Variants in DDA1 observed in about 807,000 individuals in gnomAD.
The protein encoded by DDA1 is DET1- and DDB1-associated protein 1.
DDA1 carries 3 observed loss-of-function variants against 18.6 expected under a neutral mutation model. The ratio of observed to expected loss-of-function variants is 0.16; its 90% confidence interval spans 0.07 to 0.42. DDA1 has a LOEUF of 0.42. DDA1 is among the 10% of genes least tolerant of loss of function. The pLI is 0.99. For synonymous variants in DDA1, 52 were observed against 54.0 expected (o/e 0.96, Z 0.17); for missense variants, 105 against 138.2 (o/e 0.76, Z 1.20).
chr19:17,318,268 G>T (rs1271979371), intron 4 of DDA1, among the ~76,000 whole-genome samples: 1 of 152,016 alleles, frequency 6.6e-6, no homozygotes, highest in East Asian at 1.9e-4. Flanking sequence ...GTTTGCTCTT[G>T]TTGCCCAGAC....
In DDA1 at chr19:17,319,651, A is replaced by G; in HGVS notation, c.304A>G (p.Thr102Ala). The G allele has an allele frequency of 3.2e-6, 5 of 1,566,900 alleles. No individual in the cohort carries two copies. The highest frequency in any genetic ancestry group is 2.4e-5 in the East Asian group (1 of 42,266). ...RTDSPDMHED[T>A] ...CGACAGCCCAGACATGCACGAGGAC[A>G]CTTAAGACTCTCAACTCCACAGGCG... The change falls in exon 5 of 5, where the codon ACT becomes GCT. Residue 102 changes from threonine (T) to alanine (A), a missense_variant. Thr to Ala is a moderately conservative substitution (Grantham distance 58, BLOSUM62 0). Around this residue, in one of 2 missense-constraint regions of DDA1, gnomAD observed 62 missense variants for 55.8 expected, o/e 1.11. Coordinates refer to ENST00000359866, the MANE Select transcript of DDA1 (RefSeq NM_024050.6).
chr19:17,310,751 TAC>T (rs1568352193), intron 1 of DDA1, among the ~76,000 whole-genome samples: 3 of 151,856 alleles, frequency 2.0e-5, no homozygotes, highest in Non-Finnish European at 2.9e-5. Context: ...GATACCTTGG[TAC>T]AGTCTCATCC....
intron 1 of DDA1, among the ~76,000 whole-genome samples, chr19:17,312,479 C>T (rs1170251837): frequency 1.3e-5 from 2 of 152,022 alleles, no homozygotes; most frequent in Non-Finnish European, 2.9e-5. Flanking sequence ...GTGTGTGTGG[C>T]AGAGGGTGTG....
chr19:17,312,215 G>T (rs1283680782), intron 1 of DDA1, among the ~76,000 whole-genome samples: 2 of 152,090 alleles, frequency 1.3e-5, no homozygotes, highest in Admixed American at 1.3e-4. Context: ...TGCACCTCTC[G>T]CCACTCAGCC....
chr19:17,312,705 C>T (rs932243782), intron 1 of DDA1, among the ~76,000 whole-genome samples: 1 of 152,212 alleles, frequency 6.6e-6, no homozygotes. Context: ...CTCTTTGCCC[C>T]ACACCATCTC....
At chr19:17,309,756 G>T in intron 1 of DDA1, 99 bp downstream of exon 1, 3 of 1,473,458 alleles carry the variant, frequency 2.0e-6, no homozygotes, top group Non-Finnish European at 2.7e-6. Context: ...TCTCCGTTCT[G>T]CCCGGTCCCC....
chr19:17,310,130 G>A, intron 1 of DDA1: 1 of 164,888 alleles, frequency 6.1e-6, no homozygotes, highest in Middle Eastern at 2.8e-3. Context: ...CCGGTTCCCC[G>A]GGCCCTGACC....
intron 1 of DDA1, among the ~76,000 whole-genome samples, chr19:17,312,229 G>A (rs891422161): frequency 6.6e-6 from 1 of 152,234 alleles, no homozygotes; most frequent in African/African-American, 2.4e-5. Flanking sequence ...CTCAGCCACC[G>A]GGCCCTGTGT....
rs373078415 is a variant in DDA1, at chr19:17,310,938, G to C, written c.3+1281G>C. On this transcript the variant is annotated intron_variant, in intron 1 of 4. Coordinates refer to ENST00000359866, the MANE Select transcript of DDA1 (RefSeq NM_024050.6). ...CCCTTTGGCAGTTCATAATTCACCTGAACCAGAAGGAACTTTTTTTTTGGA... is the reference window on the plus strand; with the variant it reads ...CCCTTTGGCAGTTCATAATTCACCTCAACCAGAAGGAACTTTTTTTTTGGA... 2.5e-4 allele frequency among the ~76,000 whole-genome samples: 38 copies of C among 152,232 alleles called. No individual in the cohort carries two copies. The East Asian group carries it at 5.6e-3, about 22-fold the overall frequency.
Position 17,321,759 on chromosome 19 carries a change from C to G in DDA1, c.*2103C>G, listed in dbSNP as rs1238224307. On this transcript the variant is annotated 3_prime_UTR_variant, in exon 5 of 5. Transcript: ENST00000359866. ...GAGAGTGCCAGGGTGGGCTCCCGTC[C>G]TACACAAGGAGTGGCTGACCAGGCC... 2 of 152,424 alleles carry G rather than the reference C, an allele frequency of 1.3e-5. No homozygotes were observed. Among genetic ancestry groups the G allele is most frequent in the Non-Finnish European group, 2.9e-5 (2 of 68,188 alleles). The allele number at this position is 152,424 out of a possible 1,614,324, so 9.4% of individuals were successfully genotyped here.
chr19:17,310,477 C>T (rs914863893), intron 1 of DDA1, among the ~76,000 whole-genome samples: 5 of 152,166 alleles, frequency 3.3e-5, no homozygotes, highest in African/African-American at 1.2e-4. Flanking sequence ...GTCTCCCCAC[C>T]TGAAAAGTGG....
At position 17,322,467 on chromosome 19, in the gene DDA1, T is replaced by G. The variant is rs1387361851; in HGVS notation, c.*2811T>G. 2 of 152,670 alleles carry G rather than the reference T, an allele frequency of 1.3e-5. No individual in the cohort carries two copies. The highest frequency in any genetic ancestry group is 1.3e-4 in the Admixed American group (2 of 15,276). The allele number at this position is 152,670 out of a possible 1,614,324, so 9.5% of individuals were successfully genotyped here. ...CCTTCTCCGCCTTTGCACAGGCTGT[T>G]CTCCTGCCTCCAGTGAACTCTGACT... is the stretch of plus-strand genomic sequence containing the variant. On this transcript the variant is annotated 3_prime_UTR_variant, in exon 5 of 5. Coordinates refer to ENST00000359866, the MANE Select transcript of DDA1 (RefSeq NM_024050.6).
At chr19:17,315,389 ACACAC>A (rs552826441) in intron 3 of DDA1, among the ~76,000 whole-genome samples, 1 of 101,166 alleles carries the variant, frequency 9.9e-6, no homozygotes, top group African/African-American at 3.6e-5. Flanking sequence ...GTATATATAT[ACACAC>A]TATATATATA....
chr19:17,319,510 A>G (rs2074229213), intron 4 of DDA1, 36 bp from the exon 5 acceptor site: 20 of 1,542,128 alleles, frequency 1.3e-5, no homozygotes, highest in Non-Finnish European at 1.8e-5. Context: ...TCCGAAAAAA[A>G]AGACTCACAG....
In DDA1 at chr19:17,319,703, G is replaced by A. The variant is rs376535384; in HGVS notation, c.*47G>A. On this transcript the variant is annotated 3_prime_UTR_variant, in exon 5 of 5. Coordinates refer to ENST00000359866, the MANE Select transcript of DDA1 (RefSeq NM_024050.6). ...CTCCTGCCAGGTCTGCTCCTCGGTC[G>A]CCCACCCGCCTGCCCGCCATGTGTA... is the stretch of plus-strand genomic sequence containing the variant. 1.4e-5 allele frequency: 21 copies of A among 1,514,370 alleles called. No homozygotes were observed. The highest frequency in any genetic ancestry group is 9.7e-5 in the African/African-American group (7 of 72,528). The allele number at this position is 1,514,370 out of a possible 1,614,324, so 93.8% of individuals were successfully genotyped here. A position where few individuals can be genotyped will look rare whatever the true frequency, so the allele number is the denominator to read the frequency against.
chr19:17,315,455 T>TATATATATATATATATATATATATATATA (rs1568354250), intron 3 of DDA1, among the ~76,000 whole-genome samples: 15 of 137,160 alleles, frequency 1.1e-4, no homozygotes, highest in Non-Finnish European at 1.6e-4. Flanking sequence ...TATATATATA[T>TATATATATATATATATATATATATATATA]TAGCCGGGCG....
At chr19:17,319,421 G>C (rs576651974) in intron 4 of DDA1, 125 bp from the exon 5 acceptor site, 7 of 700,188 alleles carry the variant, frequency 1.0e-5, no homozygotes, top group East Asian at 8.2e-5. Context: ...AATATTAAGC[G>C]TGGTGGTATG....
Position 17,309,592 on chromosome 19 carries a change from C to T in DDA1, c.-63C>T, listed in dbSNP as rs1054733392. Reference sequence around the variant, plus strand: ...TACTGTGAGGCGGCGGCTAAGAAGGCGGCTCTGGTGGCGGCGGTGGAGGCT... The same window carrying T: ...TACTGTGAGGCGGCGGCTAAGAAGGTGGCTCTGGTGGCGGCGGTGGAGGCT... On this transcript the variant is annotated 5_prime_UTR_variant, in exon 1 of 5. Transcript: ENST00000359866. 3 of 1,562,200 alleles carry T rather than the reference C, an allele frequency of 1.9e-6. No homozygotes were observed. Among genetic ancestry groups the T allele is most frequent in the Non-Finnish European group, 2.6e-6 (3 of 1,135,210 alleles).
At position 17,319,924 on chromosome 19, in the gene DDA1, TC is replaced by T. The variant is rs2074231871; in HGVS notation, c.*274del. On this transcript the variant is annotated 3_prime_UTR_variant, in exon 5 of 5. Transcript: ENST00000359866. ...ATGCTTTTTAAAAAAAACAACATTG[TC>T]CCCCCGACCCCCGCCTTCCATCGGG... 13 of 358,488 alleles carry T rather than the reference TC, an allele frequency of 3.6e-5. No homozygotes were observed. Among genetic ancestry groups the T allele is most frequent in the Admixed American group, 9.3e-5 (2 of 21,400 alleles). 22.2% of individuals were successfully genotyped at this position (358,488 alleles called of 1,614,324 possible). A position where few individuals can be genotyped will look rare whatever the true frequency, so the allele number is the denominator to read the frequency against.
Sources: gnomAD v4.1 joint callset for allele counts (sites outside exome capture counted in the v4.1 genomes callset) on GRCh38, gnomAD v4.1.1 for gene constraint, gnomAD v4.1.1 regional missense constraint, MANE v1.5 for transcripts, NCBI Gene and HGNC (gene_info 2026-07-23, HGNC 2026-07-21) for gene names.